The following KYAT3 variants were observed in gnomAD, a reference collection of about 807,000 sequenced individuals.
KYAT3 encodes kynurenine--oxoglutarate transaminase 3.
KYAT3 carries 50 observed loss-of-function variants against 59.0 expected under a neutral mutation model. That is an observed-to-expected ratio of 0.85 (90% CI 0.68 to 1.07). The LOEUF (loss-of-function observed/expected upper bound fraction) is 1.07. KYAT3 is among the 50% of genes least tolerant of loss of function. KYAT3 has a pLI of 0.00. For missense variants in KYAT3, 497 were observed against 533.3 expected, an observed-to-expected ratio of 0.93 and a Z score of 0.67; for synonymous variants, 148 against 177.0, an observed-to-expected ratio of 0.84 and a Z score of 1.30.
At chr1:88,950,119 C>T (rs1053832751) in intron 10 of KYAT3, among the ~76,000 whole-genome samples, 7 of 152,146 alleles carry the variant, frequency 4.6e-5, no homozygotes, top group Non-Finnish European at 1.0e-4. Context: ...CCACCAGACA[C>T]CAAATCTGCT....
At chr1:88,991,181 G>A (rs1055304248) in intron 1 of KYAT3, among the ~76,000 whole-genome samples, 1 of 152,288 alleles carries the variant, frequency 6.6e-6, no homozygotes, top group Non-Finnish European at 1.5e-5. Context: ...GGGGTGGCCC[G>A]AAGCTGAGAA....
chr1:88,944,425 CCT>C (rs995273375), intron 11 of KYAT3, among the ~76,000 whole-genome samples: 4 of 152,074 alleles, frequency 2.6e-5, no homozygotes, highest in African/African-American at 7.2e-5. Flanking sequence ...TCCATTCTCC[CCT>C]GTGTTTTAAG....
chr1:88,932,984 C>A (rs1327955662), downstream of KYAT3, among the ~76,000 whole-genome samples: 1 of 152,126 alleles, frequency 6.6e-6, no homozygotes, highest in Non-Finnish European at 1.5e-5. Context: ...AGGCACCCTC[C>A]TGTCTTTGAA....
chr1:88,986,584 G>A (rs1261651094), intron 2 of KYAT3, among the ~76,000 whole-genome samples: 6 of 149,678 alleles, frequency 4.0e-5, no homozygotes, highest in Non-Finnish European at 5.9e-5. Flanking sequence ...TAGCCACTGC[G>A]CCCCGCCTAC....
Position 88,949,255 on chromosome 1 carries a change from C to A in KYAT3, c.977G>T (p.Trp326Leu). The A allele has an allele frequency of 6.4e-7, 1 of 1,560,006 alleles. No homozygotes were observed. The highest frequency in any genetic ancestry group is 1.2e-5 in the South Asian group (1 of 81,670). The change falls in exon 11 of 14, where the codon TGG (tryptophan) becomes TTG (leucine). Residue 326 changes from tryptophan (W) to leucine (L), a missense_variant. Trp to Leu is a moderately conservative substitution (Grantham distance 61). Coordinates refer to ENST00000260508, the MANE Select transcript of KYAT3 (RefSeq NM_001008661.3). ...PLQEALAQAF[W>L]IDIKRMDDPE... is the part of the protein sequence containing the mutation. ...GTCATCCATGCGCTTGATGTCAATC[C>A]AGAAAGCTTGAGCCAAGGCTTCCTG...
At chr1:88,925,719 G>GGA in the KYAT3 span, among the ~76,000 whole-genome samples, 1 of 151,210 alleles carries the variant, frequency 6.6e-6, no homozygotes, top group Non-Finnish European at 1.5e-5. Flanking sequence ...GAGAGACAGA[G>GGA]GAGAGAGAGA....
intron 2 of KYAT3, chr1:88,982,708 AC>A (rs776770694): frequency 9.3e-6 from 15 of 1,613,840 alleles, no homozygotes; most frequent in Non-Finnish European, 1.3e-5. Context: ...CAGGGCCAGC[AC>A]CTCTTGGTGC....
intron 2 of KYAT3, among the ~76,000 whole-genome samples, chr1:88,974,227 G>A (rs1676671472): frequency 6.6e-6 from 1 of 152,116 alleles, no homozygotes; most frequent in Non-Finnish European, 1.5e-5. Flanking sequence ...CTGTCTTTTA[G>A]ATCTATGAAG....
In KYAT3 at chr1:88,962,117, C is replaced by T. The variant is rs778217296; in HGVS notation, c.482G>A (p.Cys161Tyr). 1.2e-6 allele frequency: 2 copies of T among 1,613,710 alleles called. No homozygotes were observed. The highest frequency in any genetic ancestry group is 2.7e-5 in the African/African-American group (2 of 74,904). Residue 161 changes from cysteine to tyrosine, a missense_variant, in exon 6 of 14, where the codon TGC (cysteine) becomes TAC (tyrosine). This residue lies in a region of KYAT3 where 469 missense variants were observed against 479.1 expected (regional missense o/e 0.98). Transcript: ENST00000260508. ...AGCCATTCTCACCATGGGCTCATAG[C>T]AGTCATAGAAAGGCACTATTAGTAT... ...EVILIVPFYD[C>Y]YEPMVRMAGA...
chr1:88,988,325 C>G lies in KYAT3; in HGVS notation c.26G>C (p.Cys9Ser), dbSNP rs1400112213. The change falls in exon 2 of 14, where the codon TGC becomes TCC. Residue 9 changes from cysteine to serine, a missense_variant. By Grantham distance (112) the Cys-to-Ser change is moderately radical. This residue lies in a region of KYAT3 where 469 missense variants were observed against 479.1 expected (regional missense o/e 0.98). Transcript: ENST00000260508. ...GAATTTTGCTCTACCGCTAAGAGAG[C>G]AGAGGCTCCTCTGGGCCAAAAACAT... MFLAQRSL[C>S]SLSGRAKFLK... 2 of 1,612,896 alleles carry G rather than the reference C, an allele frequency of 1.2e-6. No homozygotes were observed. Among genetic ancestry groups the G allele is most frequent in the East Asian group, 4.5e-5 (2 of 44,850 alleles).
intron 2 of KYAT3, among the ~76,000 whole-genome samples, chr1:88,974,381 T>C (rs537962587): frequency 6.6e-6 from 1 of 152,304 alleles, no homozygotes; most frequent in Admixed American, 6.5e-5. Context: ...TGGTTGTTTT[T>C]GTGCCATATT....
chr1:88,965,833 A>G lies in KYAT3; in HGVS notation c.304-855T>C, dbSNP rs188914629. ...AGTGCAGGTCATGTACCTTTGTTTG[A>G]AAGCACTTTGGGCTCTGGAGCAATA... On this transcript the variant is annotated intron_variant, in intron 4 of 13. Coordinates refer to ENST00000260508, the MANE Select transcript of KYAT3 (RefSeq NM_001008661.3). 2.6e-5 allele frequency among the ~76,000 whole-genome samples: 4 copies of G among 152,274 alleles called. No homozygotes were observed. The East Asian group carries it at 7.7e-4, about 29-fold the overall frequency.
At chr1:88,936,357 T>G (rs1484907254) in intron 13 of KYAT3, 112 bp from the exon 14 acceptor site, 2 of 806,758 alleles carry the variant, frequency 2.5e-6, no homozygotes, top group African/African-American at 3.5e-5. Context: ...TGATCTCAAG[T>G]GAAGAAAAAT....
In KYAT3 at chr1:88,940,846, A is replaced by T. The variant is rs1036462667; in HGVS notation, c.1302+2159T>A. Among the ~76,000 whole-genome samples the T allele has an allele frequency of 1.1e-4, 16 of 152,222 alleles. No individual in the cohort carries two copies. In the East Asian group the frequency reaches 3.1e-3, roughly 29 times the overall value. On this transcript the variant is annotated intron_variant, in intron 13 of 13. Transcript: ENST00000260508. ...ACGGTCTAGAGAAGTTCCTGCTGCC[A>T]GTGCAGCGACTGCTCCTACTGTTCT...
chr1:88,987,853 G>A (rs1332010975), intron 2 of KYAT3, among the ~76,000 whole-genome samples: 1 of 152,128 alleles, frequency 6.6e-6, no homozygotes, highest in Non-Finnish European at 1.5e-5. Context: ...ATGTCTTTCT[G>A]CATTTTGGTT....
chr1:88,961,699 G>A (rs746525761), intron 6 of KYAT3, among the ~76,000 whole-genome samples, 193 bp from the exon 7 acceptor site: 13 of 152,128 alleles, frequency 8.5e-5, no homozygotes, highest in Non-Finnish European at 1.8e-4. Context: ...AAGATAAACA[G>A]AAATAACTGG....
At chr1:88,950,167 G>C (rs2101028266) in intron 10 of KYAT3, among the ~76,000 whole-genome samples, 1 of 152,260 alleles carries the variant, frequency 6.6e-6, no homozygotes, top group African/African-American at 2.4e-5. Context: ...CCAGAACAGT[G>C]AGAAATAAAT....
At chr1:88,981,577 C>CTATT (rs1331829447) in intron 2 of KYAT3, 1 of 156,850 alleles carries the variant, frequency 6.4e-6, no homozygotes, top group Non-Finnish European at 1.5e-5. Flanking sequence ...AAGGCAAAAT[C>CTATT]TATTGCCTGC....
intron 9 of KYAT3, among the ~76,000 whole-genome samples, chr1:88,954,783 T>C (rs1336461910): frequency 6.6e-6 from 1 of 152,260 alleles, no homozygotes; most frequent in Non-Finnish European, 1.5e-5. Flanking sequence ...ATTTATTTCA[T>C]TATTTTTTTA....
Sources: allele counts gnomAD v4.1 joint callset (sites outside exome capture counted in the v4.1 genomes callset), GRCh38; gene constraint gnomAD v4.1.1; regional missense constraint gnomAD v4.1.1; transcripts MANE v1.5; gene names NCBI Gene and HGNC (gene_info 2026-07-23, HGNC 2026-07-21).